Variants in EPM2A observed in about 807,000 individuals in gnomAD.
The protein encoded by EPM2A is laforin.
In EPM2A, 21 loss-of-function variants were observed where a neutral mutation model predicts 26.5. The observed-to-expected ratio is 0.79, with a 90% CI of 0.56 to 1.14. EPM2A has a LOEUF of 1.14. Ranked by LOEUF, EPM2A falls within the 50% of genes most tolerant of loss-of-function variation. EPM2A has a pLI of 0.00. For missense variants in EPM2A, 458 were observed against 440.8 expected (o/e 1.04, Z -0.35); for synonymous variants, 217 against 177.6 (o/e 1.22, Z -1.76).
intron 2 of EPM2A, among the ~76,000 whole-genome samples, chr6:145,559,279 C>G (rs898438736): frequency 2.6e-5 from 4 of 152,102 alleles, no homozygotes; most frequent in Admixed American, 6.6e-5. Flanking sequence ...ATTATCCAAA[C>G]AGACCAGAAC....
At chr6:145,392,289 TG>T (rs1778348546) in intron 4 of EPM2A, among the ~76,000 whole-genome samples, 1 of 152,200 alleles carries the variant, frequency 6.6e-6, no homozygotes, top group Non-Finnish European at 1.5e-5. Context: ...GAGTCTCCGA[TG>T]GCCTCCTCAA....
chr6:145,394,357 T>G (rs562764210), intron 4 of EPM2A, among the ~76,000 whole-genome samples: 12 of 152,116 alleles, frequency 7.9e-5, no homozygotes, highest in Admixed American at 6.5e-5. Flanking sequence ...GCACCAGGCT[T>G]TTAAAAAACT....
At chr6:145,409,668 T>G (rs1778617549) in intron 4 of EPM2A, among the ~76,000 whole-genome samples, 1 of 152,170 alleles carries the variant, frequency 6.6e-6, no homozygotes, top group Non-Finnish European at 1.5e-5. Flanking sequence ...CCAGTTTCTG[T>G]GAATCAGGAG....
At position 145,494,986 on chromosome 6, in the gene EPM2A, T is replaced by G. The variant is rs1779798169; in HGVS notation, c.555+7536A>C. 3.3e-5 allele frequency among the ~76,000 whole-genome samples: 5 copies of G among 152,358 alleles called. No individual in the cohort carries two copies. In the South Asian group the frequency reaches 1.0e-3, roughly 32 times the overall value. On this transcript the variant is annotated intron_variant, in intron 4 of 4. Transcript: ENST00000638717. ...TCTGTTGCTTTTGGATGGAGAGTTCTGTAGATACCTATCGGGTCCCTTTGA... is the reference window on the plus strand; with the variant it reads ...TCTGTTGCTTTTGGATGGAGAGTTCGGTAGATACCTATCGGGTCCCTTTGA...
intron 4 of EPM2A, among the ~76,000 whole-genome samples, chr6:145,388,535 T>C (rs1263700726): frequency 3.3e-5 from 5 of 152,170 alleles, no homozygotes; most frequent in African/African-American, 1.2e-4. Context: ...ATTATTATAC[T>C]TTAAGTTCTG....
intron 4 of EPM2A, among the ~76,000 whole-genome samples, chr6:145,485,290 T>G (rs1434142385): frequency 6.6e-6 from 1 of 152,006 alleles, no homozygotes; most frequent in Non-Finnish European, 1.5e-5. Flanking sequence ...AAAGAGGACA[T>G]AGTAACATCA....
At chr6:145,438,648 A>G (rs1779020352) in intron 4 of EPM2A, among the ~76,000 whole-genome samples, 1 of 151,438 alleles carries the variant, frequency 6.6e-6, no homozygotes, top group Admixed American at 6.6e-5. Flanking sequence ...TAATTTTTGT[A>G]TTTTTAGTAG....
At chr6:145,538,822 T>G (rs549032338) in intron 2 of EPM2A, among the ~76,000 whole-genome samples, 29 of 152,290 alleles carry the variant, frequency 1.9e-4, no homozygotes, top group African/African-American at 6.3e-4. Flanking sequence ...TTCTTTGGAG[T>G]AATTCACACA....
At chr6:145,417,533 C>T (rs1031991582) in intron 4 of EPM2A, among the ~76,000 whole-genome samples, 1 of 152,094 alleles carries the variant, frequency 6.6e-6, no homozygotes, top group Non-Finnish European at 1.5e-5. Context: ...AAAAATAACC[C>T]TCCCAGAAAA....
chr6:145,484,105 C>G (rs1256549067), intron 4 of EPM2A, among the ~76,000 whole-genome samples: 2 of 152,056 alleles, frequency 1.3e-5, no homozygotes, highest in South Asian at 2.1e-4. Flanking sequence ...AGTATCATGT[C>G]CCTGATCAGA....
At chr6:145,645,803 AG>A (rs1777418093) in intron 2 of EPM2A, among the ~76,000 whole-genome samples, 1 of 152,140 alleles carries the variant, frequency 6.6e-6, no homozygotes, top group Admixed American at 6.5e-5. Context: ...CATGTTGCCC[AG>A]GCTGGTCTTG....
chr6:145,680,257 A>T (rs1780403870), intron 2 of EPM2A: 1 of 152,000 alleles, frequency 6.6e-6, no homozygotes, highest in Admixed American at 6.6e-5. Flanking sequence ...ATTGGCATGT[A>T]TGCCTTGGCT....
At chr6:145,474,681 C>A (rs1466220288) in intron 4 of EPM2A, among the ~76,000 whole-genome samples, 2 of 152,074 alleles carry the variant, frequency 1.3e-5, no homozygotes, top group African/African-American at 4.8e-5. Flanking sequence ...ATTGAACAGG[C>A]AACCTACAGA....
intron 2 of EPM2A, among the ~76,000 whole-genome samples, chr6:145,568,605 G>A (rs1464968999): frequency 6.6e-6 from 1 of 152,198 alleles, no homozygotes; most frequent in African/African-American, 2.4e-5. Context: ...TTACAGGCAT[G>A]AGCCACTGCG....
downstream of EPM2A, among the ~76,000 whole-genome samples, chr6:145,620,523 G>A (rs1489353533): frequency 6.6e-6 from 1 of 152,166 alleles, no homozygotes; most frequent in African/African-American, 2.4e-5. Flanking sequence ...TAAGAAGGCA[G>A]CAATAAGGAT....
chr6:145,690,085 A>C (rs1474299603), intron 1 of EPM2A, among the ~76,000 whole-genome samples: 1 of 152,006 alleles, frequency 6.6e-6, no homozygotes, highest in Non-Finnish European at 1.5e-5. Context: ...CTACCACCCC[A>C]CTCAGGGAGG....
chr6:145,510,901 C>T (rs1168750316), intron 2 of EPM2A, among the ~76,000 whole-genome samples: 2 of 151,980 alleles, frequency 1.3e-5, no homozygotes, highest in African/African-American at 4.8e-5. Flanking sequence ...CCAGAAACAA[C>T]AAAGGTGACA....
At chr6:145,421,832 G>C (rs1778788424) in intron 4 of EPM2A, among the ~76,000 whole-genome samples, 1 of 151,134 alleles carries the variant, frequency 6.6e-6, no homozygotes, top group African/African-American at 2.4e-5. Flanking sequence ...CTGAAAAATA[G>C]TAAACCAAAT....
In EPM2A at chr6:145,626,344, T is replaced by A. The variant is rs1461938262; in HGVS notation, c.*1072A>T. On this transcript the variant is annotated 3_prime_UTR_variant, in exon 4 of 4. Coordinates refer to ENST00000367519, the MANE Select transcript of EPM2A (RefSeq NM_005670.4). ...AGAGCTGAGCCAGGATGGCCAAGGC[T>A]GTGAAGCAATTATCCATGGATTTGG... 1 of 985,948 alleles carries A rather than the reference T, an allele frequency of 1.0e-6. No homozygotes were observed. The highest frequency in any genetic ancestry group is 1.7e-5 in the African/African-American group (1 of 57,262). The allele number at this position is 985,948 out of a possible 1,614,324, so 61.1% of individuals were successfully genotyped here.
Sources: allele counts gnomAD v4.1 joint callset (sites outside exome capture counted in the v4.1 genomes callset), GRCh38; gene constraint gnomAD v4.1.1; transcripts MANE v1.5; gene names NCBI Gene and HGNC (gene_info 2026-07-23, HGNC 2026-07-21).